DHX33: variants seen among roughly 807,000 people sequenced by gnomAD.
DHX33 encodes DEAH-box helicase 33.
Under a neutral mutation model 72.5 loss-of-function variants are expected in DHX33, and 42 were observed. That is an observed-to-expected ratio of 0.58 (90% CI 0.45 to 0.75). The LOEUF (loss-of-function observed/expected upper bound fraction) is 0.75. Ranked by LOEUF, DHX33 falls within the 30% of genes least tolerant of loss-of-function variation. The pLI, the probability that DHX33 is intolerant of heterozygous loss-of-function variation, is 0.00. For missense variants in DHX33, 842 were observed against 917.5 expected, an observed-to-expected ratio of 0.92 and a Z score of 1.06; for synonymous variants, 358 against 366.1, an observed-to-expected ratio of 0.98 and a Z score of 0.25.
In DHX33 at chr17:5,461,106, T is replaced by A. The variant is rs1253657726; in HGVS notation, c.682A>T (p.Ile228Phe). 6.2e-7 allele frequency: 1 copy of A among 1,606,622 alleles called. No homozygotes were observed. Among genetic ancestry groups the A allele is most frequent in the Admixed American group, 1.7e-5 (1 of 59,608 alleles). Residue 228 changes from isoleucine to phenylalanine, a missense_variant, in exon 4 of 12, where the codon ATT (isoleucine) becomes TTT (phenylalanine). Ile to Phe is a conservative substitution (Grantham distance 21). Transcript: ENST00000225296. The part of the protein sequence containing the change: ...KELGKLPLKV[I>F]VMSATMDVDL... ...ACATCCATCGTAGCTGACATCACAA[T>A]CACCTGCATAAGAGAACGAAGAGGA...
At chr17:5,454,816 C>A (rs1406525337) in intron 6 of DHX33, among the ~76,000 whole-genome samples, 1 of 152,172 alleles carries the variant, frequency 6.6e-6, no homozygotes, top group Non-Finnish European at 1.5e-5. Context: ...CTCAAACCAG[C>A]CATATATATA....
In DHX33 at chr17:5,450,483, TTGC is replaced by T. The variant is rs1916854025; in HGVS notation, c.1525-80_1525-78del. 3 of 1,493,250 alleles carry T rather than the reference TTGC, an allele frequency of 2.0e-6. No individual in the cohort carries two copies. In the Admixed American group the frequency reaches 5.2e-5, roughly 26 times the overall value. The allele number at this position is 1,493,250 out of a possible 1,614,324, so 92.5% of individuals were successfully genotyped here. ...AATGCACTATTTCTGTACATTGCTTTTGCAGTTTCCCTTCTAAGGAGTTAAAGG... is the reference window on the plus strand; with the variant it reads ...AATGCACTATTTCTGTACATTGCTTTAGTTTCCCTTCTAAGGAGTTAAAGG... On this transcript the variant is annotated intron_variant, in intron 9 of 11. Coordinates refer to ENST00000225296, the MANE Select transcript of DHX33 (RefSeq NM_020162.4).
intron 11 of DHX33, 104 bp downstream of exon 11, chr17:5,448,705 A>C: frequency 1.3e-6 from 1 of 764,262 alleles, no homozygotes; most frequent in Non-Finnish European, 2.0e-6. Flanking sequence ...ATTTGCTACA[A>C]TGAGAAATCC....
chr17:5,444,300 A>G lies in DHX33; in HGVS notation c.2029T>C (p.Cys677Arg). ...VYTELLYTNKCYMRDLCVIDA... is the reference protein window; with the variant it reads ...VYTELLYTNKRYMRDLCVIDA... Reference sequence around the variant, plus strand: ...ATGACGCAGAGGTCCCGCATGTAGCACTTGTTGGTGTAGAGCAGCTCAGTG... The same window carrying G: ...ATGACGCAGAGGTCCCGCATGTAGCGCTTGTTGGTGTAGAGCAGCTCAGTG... Residue 677 changes from cysteine to arginine, a missense_variant, in exon 12 of 12, where the codon TGC becomes CGC. Physicochemically the swap from Cys to Arg is radical, Grantham distance 180 (BLOSUM62 -3). Coordinates refer to ENST00000225296, the MANE Select transcript of DHX33 (RefSeq NM_020162.4). This position sits in a 1 kb window ranked among gnomAD's most constrained non-coding sequence, Gnocchi z 4.9. 1 of 1,614,116 alleles carries G rather than the reference A, an allele frequency of 6.2e-7. No individual in the cohort carries two copies. Among genetic ancestry groups the G allele is most frequent in the South Asian group, 1.1e-5 (1 of 91,076 alleles).
intron 4 of DHX33, among the ~76,000 whole-genome samples, chr17:5,458,926 G>A (rs923044699): frequency 7.9e-5 from 12 of 152,106 alleles, no homozygotes; most frequent in East Asian, 1.9e-4. Flanking sequence ...GACTGGGCAC[G>A]GTTTCTCACA....
At chr17:5,465,917 T>TA (rs1904859667) in intron 1 of DHX33, among the ~76,000 whole-genome samples, 1 of 152,176 alleles carries the variant, frequency 6.6e-6, no homozygotes, top group Non-Finnish European at 1.5e-5. Context: ...GCACCATCCT[T>TA]ACATCCGTTC....
Position 5,468,959 on chromosome 17 carries a change from TGCTGGCGGC to T in DHX33, c.-109_-101del, listed in dbSNP as rs1297528084. ...ACACCGCCCCTTCCTCGCCGCCACG[TGCTGGCGGC>T]TCCCGGCGACCACCGATGACCTCAC... On this transcript the variant is annotated 5_prime_UTR_variant, in exon 1 of 12. Transcript: ENST00000225296. 2 of 1,044,898 alleles carry T rather than the reference TGCTGGCGGC, an allele frequency of 1.9e-6. No individual in the cohort carries two copies. The highest frequency in any genetic ancestry group is 1.4e-5 in the South Asian group (1 of 70,626). The allele number at this position is 1,044,898 out of a possible 1,614,324, so 64.7% of individuals were successfully genotyped here. A position where few individuals can be genotyped will look rare whatever the true frequency, so the allele number is the denominator to read the frequency against.
At position 5,468,573 on chromosome 17, in the gene DHX33, A is replaced by G. The variant is rs779223446; in HGVS notation, c.287T>C (p.Ile96Thr). 1.9e-6 allele frequency: 3 copies of G among 1,607,110 alleles called. No individual in the cohort carries two copies. The highest frequency in any genetic ancestry group is 2.5e-6 in the Non-Finnish European group (3 of 1,177,690). ...AGCCCGCCGGCGCGGCCACTCACCG[A>G]TGAGGACCGCGTTGTCCAGGTTTCG... ...QLRNLDNAVL[I>T]GETGSGKTTQ... The change falls in exon 1 of 12, where the codon ATC becomes ACC. Residue 96 changes from isoleucine (I) to threonine (T), a missense_variant and splice_region_variant. Coordinates refer to ENST00000225296, the MANE Select transcript of DHX33 (RefSeq NM_020162.4).
rs1904567546 is a variant in DHX33 at position 5,460,923 on chromosome 17, G to T, written c.849+16C>A. The stretch of plus-strand genomic sequence containing the variant: ...ATAAAAGAGAACTTTTCAGGAATTT[G>T]CCCCCAGCACCATACCTGGTGGATC... On this transcript the variant is annotated intron_variant, in intron 4 of 11. Coordinates refer to ENST00000225296, the MANE Select transcript of DHX33 (RefSeq NM_020162.4). The T allele has an allele frequency of 6.3e-7, 1 of 1,595,416 alleles. No homozygotes were observed. The highest frequency in any genetic ancestry group is 8.6e-7 in the Non-Finnish European group (1 of 1,168,038).
chr17:5,467,837 C>T (rs1043167199), intron 1 of DHX33, among the ~76,000 whole-genome samples: 1 of 152,172 alleles, frequency 6.6e-6, no homozygotes, highest in African/African-American at 2.4e-5. Flanking sequence ...CGAAATCGGC[C>T]AGGAGCGCCT....
At chr17:5,453,236 T>C (rs977464680) in intron 8 of DHX33, among the ~76,000 whole-genome samples, 1 of 152,156 alleles carries the variant, frequency 6.6e-6, no homozygotes, top group Non-Finnish European at 1.5e-5. Context: ...GAATCTATCG[T>C]TTCATAGCTA....
Position 5,453,147 on chromosome 17 carries a change from G to A in DHX33, c.1396+433C>T, listed in dbSNP as rs576904366. Among the ~76,000 whole-genome samples, 3 of 152,362 alleles carry A rather than the reference G, an allele frequency of 2.0e-5. No individual in the cohort carries two copies. The South Asian group carries it at 6.2e-4, about 32-fold the overall frequency. On this transcript the variant is annotated intron_variant, in intron 8 of 11. Coordinates refer to ENST00000225296, the MANE Select transcript of DHX33 (RefSeq NM_020162.4). The stretch of plus-strand genomic sequence containing the variant: ...AAAAGTACAATTTCATTACATTTCT[G>A]TAGTATCCCAAGGACTCGCATGATG...
In DHX33 at chr17:5,462,325, A is replaced by AAGTTTCCCTCATACTTTCAGG; in HGVS notation, c.671_672insCCTGAAAGTATGAGGGAAACT (p.Val227_Ile228insTer). The AAGTTTCCCTCATACTTTCAGG allele has an allele frequency of 6.2e-7, 1 of 1,613,018 alleles. No individual in the cohort carries two copies. The highest frequency in any genetic ancestry group is 1.1e-5 in the South Asian group (1 of 90,598). Reference sequence around the variant, plus strand: ...GGGGAAGTTTCCCTCATACTTTCAGAGGAAGTTTCCCGAGTTCCTTTCTCC... The same window carrying AAGTTTCCCTCATACTTTCAGG: ...GGGGAAGTTTCCCTCATACTTTCAGAAGTTTCCCTCATACTTTCAGGGGAAGTTTCCCGAGTTCCTTTCTCC... On this transcript the variant is annotated stop_gained and inframe_insertion, in exon 3 of 12. Coordinates refer to ENST00000225296, the MANE Select transcript of DHX33 (RefSeq NM_020162.4). LOFTEE classifies it high-confidence loss of function.
intron 1 of DHX33, among the ~76,000 whole-genome samples, 194 bp from the exon 2 acceptor site, chr17:5,463,883 T>A (rs1323353403): frequency 6.6e-6 from 1 of 151,620 alleles, no homozygotes; most frequent in Admixed American, 6.6e-5. Flanking sequence ...CCTGGTGTGG[T>A]TGCATGTGCC....
At chr17:5,467,159 T>C (rs1018323234) in intron 1 of DHX33, among the ~76,000 whole-genome samples, 12 of 152,316 alleles carry the variant, frequency 7.9e-5, no homozygotes, top group African/African-American at 2.9e-4. Context: ...AACAAAATCA[T>C]AGCATGGGTC....
chr17:5,453,955 C>T lies in DHX33; in HGVS notation c.1173G>A (p.Val391=). The T allele has an allele frequency of 6.2e-7, 1 of 1,613,976 alleles. No individual in the cohort carries two copies. The highest frequency in any genetic ancestry group is 8.5e-7 in the Non-Finnish European group (1 of 1,180,016). The change falls in exon 7 of 12, where the codon GTG becomes GTA. Residue 391 remains valine, a synonymous_variant. Transcript: ENST00000225296. ...AAGCCTGCGTCTTCGATACCCGCTG[C>T]ACTGCTAACACCTCAAGACCACTGT... The part of the protein sequence containing the change: ...NPDSGLEVLA[V]QRVSKTQAWQ...
chr17:5,455,312 G>T (rs373409062), intron 5 of DHX33, 41 bp from the exon 6 acceptor site: 1 of 1,522,962 alleles, frequency 6.6e-7, no homozygotes, highest in Non-Finnish European at 9.1e-7. Context: ...ATTGACACAC[G>T]GATGATTCAG....
In DHX33 at chr17:5,444,753, G is replaced by T. The variant is rs1916580910; in HGVS notation, c.1816-240C>A. The stretch of plus-strand genomic sequence containing the variant: ...AACTACCGCCTGTGAAGGTAGGGCT[G>T]GGAGGGAGGTGCTCACATTAGCCAC... On this transcript the variant is annotated intron_variant, in intron 11 of 11. Transcript: ENST00000225296. The surrounding 1 kb of genome is among the most constrained non-coding windows in gnomAD (Gnocchi z 4.9). Among the ~76,000 whole-genome samples the T allele has an allele frequency of 6.6e-6, 1 of 152,190 alleles. No individual in the cohort carries two copies. The highest frequency in any genetic ancestry group is 1.5e-5 in the Non-Finnish European group (1 of 68,024).
At chr17:5,457,618 A>AG (rs1904383242) in intron 4 of DHX33, among the ~76,000 whole-genome samples, 1 of 151,744 alleles carries the variant, frequency 6.6e-6, no homozygotes, top group African/African-American at 2.4e-5. Flanking sequence ...AAAAAAAAAA[A>AG]AAAAAGTGCC....
Sources: allele counts gnomAD v4.1 joint callset (sites outside exome capture counted in the v4.1 genomes callset), GRCh38; gene constraint gnomAD v4.1.1; non-coding constraint Gnocchi (gnomAD v3.1); transcripts MANE v1.5; gene names NCBI Gene and HGNC (gene_info 2026-07-23, HGNC 2026-07-21).